The following VWA3B variants were observed in gnomAD, a reference collection of about 807,000 sequenced individuals.
VWA3B encodes the protein von Willebrand factor A domain containing 3B.
Under a neutral mutation model 158.3 loss-of-function variants are expected in VWA3B, and 138 were observed. That is an observed-to-expected ratio of 0.87 (90% CI 0.76 to 1.00). The LOEUF is 1.00. Ranked by LOEUF, VWA3B falls within the 50% of genes least tolerant of loss-of-function variation. VWA3B has a pLI of 0.00. For missense variants in VWA3B, 1,555 were observed against 1,565.1 expected, an observed-to-expected ratio of 0.99 and a Z score of 0.11; for synonymous variants, 596 against 587.3, an observed-to-expected ratio of 1.01 and a Z score of -0.21.
At position 98,292,441 on chromosome 2, in the gene VWA3B, G is replaced by A. The variant is rs187478273; in HGVS notation, c.3157+1819G>A. Among the ~76,000 whole-genome samples the A allele has an allele frequency of 4.4e-3, 669 of 152,240 alleles. 3 individuals carry two copies. The highest frequency in any genetic ancestry group is 5.4e-3 in the Non-Finnish European group (365 of 68,012). The stretch of plus-strand genomic sequence containing the variant: ...ACAGGTTATTTGAAACGTGATAAAT[G>A]TGCTTGGGAGTTGCCTGGATGAGAG... On this transcript the variant is annotated intron_variant, in intron 23 of 27. Coordinates refer to ENST00000477737, the MANE Select transcript of VWA3B (RefSeq NM_144992.5).
Position 98,172,240 on chromosome 2 carries a change from C to T in VWA3B, c.1115-8776C>T, listed in dbSNP as rs544439281. 5.3e-5 allele frequency among the ~76,000 whole-genome samples: 8 copies of T among 152,330 alleles called. No individual in the cohort carries two copies. In the South Asian group the frequency reaches 1.7e-3, roughly 32 times the overall value. On this transcript the variant is annotated intron_variant, in intron 8 of 27. Transcript: ENST00000477737. ...TTTATTGAGTGGAATTAGCTTTCAG[C>T]AGATAGGGGAGCTAGAAGGGTGATG...
rs374333108 is a variant in VWA3B, at chr2:98,202,821, GTTTA to G, written c.1737+8353_1737+8356del. On this transcript the variant is annotated intron_variant, in intron 12 of 27. Coordinates refer to ENST00000477737, the MANE Select transcript of VWA3B (RefSeq NM_144992.5). ...CATAAGGTGTGAGATCTAGGTTGAGGTTTATTTATTTATTTATTTATTTATTTTG... is the reference window on the plus strand; with the variant it reads ...CATAAGGTGTGAGATCTAGGTTGAGGTTTATTTATTTATTTATTTATTTTG... 3.6e-4 allele frequency among the ~76,000 whole-genome samples: 54 copies of G among 151,588 alleles called. No homozygotes were observed. In the East Asian group the frequency reaches 4.6e-3, roughly 13 times the overall value.
intron 13 of VWA3B, among the ~76,000 whole-genome samples, chr2:98,214,777 T>C (rs1249688135): frequency 6.6e-6 from 1 of 152,168 alleles, no homozygotes; most frequent in Non-Finnish European, 1.5e-5. Flanking sequence ...AGATACGCAG[T>C]CGGATTGTTT....
At position 98,230,158 on chromosome 2, in the gene VWA3B, A is replaced by G. The variant is rs771362793; in HGVS notation, c.2259A>G (p.Pro753=). The G allele has an allele frequency of 2.5e-6, 4 of 1,605,682 alleles. No individual in the cohort carries two copies. Among genetic ancestry groups the G allele is most frequent in the Non-Finnish European group, 2.5e-6 (3 of 1,177,960 alleles). ...QTSSLNMLKG[P]WGLSDQKVQK... ...CATCTCTGAATATGTTGAAGGGACC[A>G]TGGGGCCTTTCAGATCAAAAGGTTC... Residue 753 remains proline (P), a synonymous_variant, in exon 16 of 28, where the codon CCA becomes CCG. Coordinates refer to ENST00000477737, the MANE Select transcript of VWA3B (RefSeq NM_144992.5).
intron 5 of VWA3B, among the ~76,000 whole-genome samples, chr2:98,127,445 C>T (rs1675456368): frequency 6.6e-6 from 1 of 152,092 alleles, no homozygotes. Context: ...CGGGCTGCAG[C>T]AGAGCAGGAG....
intron 7 of VWA3B, among the ~76,000 whole-genome samples, chr2:98,143,926 A>T (rs1388570886): frequency 6.6e-6 from 1 of 151,022 alleles, no homozygotes; most frequent in Non-Finnish European, 1.5e-5. Flanking sequence ...ACATTTTTTT[A>T]AATTTTTTGT....
chr2:98,216,982 A>AACC, intron 13 of VWA3B: 1 of 1,232,688 alleles, frequency 8.1e-7, no homozygotes, highest in Non-Finnish European at 1.0e-6. Context: ...CATTGTAAGC[A>AACC]CCCGCCCCGC....
chr2:98,153,141 T>A (rs915787896), intron 7 of VWA3B, among the ~76,000 whole-genome samples: 11 of 152,298 alleles, frequency 7.2e-5, no homozygotes, highest in African/African-American at 2.6e-4. Flanking sequence ...AGCTCAGCCC[T>A]CTGGCCAGCC....
At chr2:98,166,580 A>G (rs1408042965) in intron 8 of VWA3B, among the ~76,000 whole-genome samples, 2 of 152,202 alleles carry the variant, frequency 1.3e-5, no homozygotes, top group African/African-American at 4.8e-5. Context: ...CTGGACTTCC[A>G]ACCTCAGAGA....
At chr2:98,273,909 G>A (rs928791798) in intron 22 of VWA3B, among the ~76,000 whole-genome samples, 2 of 152,204 alleles carry the variant, frequency 1.3e-5, no homozygotes, top group Non-Finnish European at 2.9e-5. Flanking sequence ...AGAGATAATT[G>A]TGTTCCACTG....
chr2:98,157,875 A>C (rs1473994429), intron 7 of VWA3B, among the ~76,000 whole-genome samples: 3 of 152,204 alleles, frequency 2.0e-5, no homozygotes, highest in Admixed American at 2.0e-4. Context: ...CTCCCAGGGC[A>C]ACATTGAACT....
At chr2:98,190,419 A>G (rs1681479802) in intron 10 of VWA3B, among the ~76,000 whole-genome samples, 1 of 152,154 alleles carries the variant, frequency 6.6e-6, no homozygotes, top group African/African-American at 2.4e-5. Context: ...ACTAGAGTAG[A>G]TGTATTTTAT....
intron 2 of VWA3B, among the ~76,000 whole-genome samples, chr2:98,106,307 C>A (rs529735591): frequency 6.6e-6 from 1 of 152,006 alleles, no homozygotes; most frequent in African/African-American, 2.4e-5. Flanking sequence ...GAAATTGGGC[C>A]GGGTGAGTCC....
chr2:98,154,234 T>G (rs1677874017), intron 7 of VWA3B, among the ~76,000 whole-genome samples: 1 of 152,222 alleles, frequency 6.6e-6, no homozygotes, highest in African/African-American at 2.4e-5. Context: ...TCCTGTGTGC[T>G]TTAGAAACTT....
At chr2:98,123,775 C>A (rs1286588886) in intron 5 of VWA3B, among the ~76,000 whole-genome samples, 1 of 152,102 alleles carries the variant, frequency 6.6e-6, no homozygotes. Flanking sequence ...CCAGGACATG[C>A]ATCTTTGGAA....
At chr2:98,289,589 C>T (rs974396929) in intron 22 of VWA3B, among the ~76,000 whole-genome samples, 12 of 152,296 alleles carry the variant, frequency 7.9e-5, no homozygotes, top group African/African-American at 2.9e-4. Context: ...GACTTCTTTC[C>T]TCTTTGTGAG....
chr2:98,110,874 A>G (rs1019291344), intron 2 of VWA3B, among the ~76,000 whole-genome samples: 1 of 152,228 alleles, frequency 6.6e-6, no homozygotes, highest in African/African-American at 2.4e-5. Flanking sequence ...ACAATAGTGA[A>G]TAAGTCTCAC....
At position 98,192,947 on chromosome 2, in the gene VWA3B, A is replaced by G. The variant is rs755079478; in HGVS notation, c.1516A>G (p.Asn506Asp). The G allele has an allele frequency of 6.2e-7, 1 of 1,614,202 alleles. No homozygotes were observed. Among genetic ancestry groups the G allele is most frequent in the Non-Finnish European group, 8.5e-7 (1 of 1,180,028 alleles). Reference sequence around the variant, plus strand: ...TCAAAGCCTCTTTGGAAGATTGCATAATGATTGCATCTACATTCTCATTGA... The same window carrying G: ...TCAAAGCCTCTTTGGAAGATTGCATGATGATTGCATCTACATTCTCATTGA... ...GSQSLFGRLHNDCIYILIDTS... is the reference protein window; with the variant it reads ...GSQSLFGRLHDDCIYILIDTS... Residue 506 changes from asparagine (N) to aspartate (D), a missense_variant, in exon 11 of 28, where the codon AAT becomes GAT. Physicochemically the swap from Asn to Asp is conservative, Grantham distance 23. Coordinates refer to ENST00000477737, the MANE Select transcript of VWA3B (RefSeq NM_144992.5).
chr2:98,123,482 G>A (rs13417459), intron 5 of VWA3B, among the ~76,000 whole-genome samples: 37,519 of 152,100 alleles, frequency 0.25, 5,172 homozygotes, highest in African/African-American at 0.38. Flanking sequence ...TGTAACCACC[G>A]CGGGCCAGGA....
Sources: gnomAD v4.1 joint callset for allele counts (sites outside exome capture counted in the v4.1 genomes callset) on GRCh38, gnomAD v4.1.1 for gene constraint, MANE v1.5 for transcripts, NCBI Gene and HGNC (gene_info 2026-07-23, HGNC 2026-07-21) for gene names.